Variants in PCDHGB5 observed in about 807,000 individuals in gnomAD.
The protein encoded by PCDHGB5 is protocadherin gamma subfamily B, 5.
In PCDHGB5, 48 loss-of-function variants were observed where a neutral mutation model predicts 62.9. The ratio of observed to expected loss-of-function variants is 0.76; its 90% CI spans 0.61 to 0.97. The LOEUF (loss-of-function observed/expected upper bound fraction) is 0.97, where lower values mean the gene tolerates loss of function less well. Among genes scored for constraint, PCDHGB5 ranks in the 50% least tolerant of loss-of-function variants. The probability of loss-of-function intolerance (pLI) is 0.00; values close to 1 mark genes in which losing one functional copy is unlikely to be tolerated. For missense variants in PCDHGB5, 1,118 were observed against 1,198.6 expected, an observed-to-expected ratio of 0.93 and a Z score of 0.99; for synonymous variants, 474 against 511.2, an observed-to-expected ratio of 0.93 and a Z score of 0.98.
At chr5:141,481,656 A>G (rs1425280340) in intron 1 of PCDHGB5, among the ~76,000 whole-genome samples, 1 of 152,084 alleles carries the variant, frequency 6.6e-6, no homozygotes, top group Non-Finnish European at 1.5e-5. Context: ...CATCTCTACT[A>G]ATAATACAAA....
intron 1 of PCDHGB5, among the ~76,000 whole-genome samples, chr5:141,466,183 T>G (rs145148468): frequency 2.0e-5 from 3 of 152,138 alleles, no homozygotes; most frequent in Middle Eastern, 3.4e-3. Flanking sequence ...TATTTTTATT[T>G]TTTTTCAGAC....
At chr5:141,466,763 C>T (rs960940073) in intron 1 of PCDHGB5, among the ~76,000 whole-genome samples, 31 of 152,272 alleles carry the variant, frequency 2.0e-4, no homozygotes, top group Middle Eastern at 6.8e-3. Context: ...TCTTTTCAAA[C>T]TGTTATCTTA....
At chr5:141,410,337 C>T (rs1196366344) in intron 1 of PCDHGB5, 1 of 1,613,930 alleles carries the variant, frequency 6.2e-7, no homozygotes, top group Non-Finnish European at 8.5e-7. Context: ...CTGGCCATTG[C>T]CTTGCGCCTG....
chr5:141,433,209 T>A, intron 1 of PCDHGB5: 3 of 465,024 alleles, frequency 6.5e-6, no homozygotes, highest in South Asian at 1.0e-4. Context: ...ATCTTCTTTC[T>A]TTTTTTTTTT....
intron 1 of PCDHGB5, among the ~76,000 whole-genome samples, chr5:141,480,700 C>A (rs1327284592): frequency 1.3e-5 from 2 of 152,192 alleles, no homozygotes; most frequent in Admixed American, 6.5e-5. Flanking sequence ...CCAGGCCACA[C>A]CCCGACAAAT....
intron 1 of PCDHGB5, chr5:141,478,104 CTG>C: frequency 6.2e-7 from 1 of 1,614,118 alleles, no homozygotes; most frequent in Middle Eastern, 1.6e-4. Context: ...GCTACCCTCA[CTG>C]TGTCAGTAAC....
chr5:141,479,574 T>A (rs1291334449), intron 1 of PCDHGB5: 1 of 152,228 alleles, frequency 6.6e-6, no homozygotes, highest in South Asian at 2.1e-4. Context: ...GGATGACATC[T>A]GTGAATAGCC....
intron 1 of PCDHGB5, among the ~76,000 whole-genome samples, chr5:141,436,594 G>T (rs79477223): frequency 0.052 from 7,980 of 152,210 alleles, 223 homozygotes; most frequent in South Asian, 0.079. Flanking sequence ...AAAGGTCGTG[G>T]TGATGGCTAG....
chr5:141,486,879 G>A lies in PCDHGB5; in HGVS notation c.2398-7928G>A, dbSNP rs1371072899. 7 of 1,614,228 alleles carry A rather than the reference G, an allele frequency of 4.3e-6. No homozygotes were observed. Among genetic ancestry groups the A allele is most frequent in the Non-Finnish European group, 4.2e-6 (5 of 1,180,046 alleles). On this transcript the variant is annotated intron_variant, in intron 1 of 3. Coordinates refer to ENST00000617380, the MANE Select transcript of PCDHGB5 (RefSeq NM_018925.3). The surrounding 1 kb of genome is among the most constrained non-coding windows in gnomAD (Gnocchi z 5.0). Reference sequence around the variant, plus strand: ...AATGCTCCAGCTGTGCTCCGTCCTCGGGCCCGGCCTGGTTCCTTATGTCCC... The same window carrying A: ...AATGCTCCAGCTGTGCTCCGTCCTCAGGCCCGGCCTGGTTCCTTATGTCCC...
intron 3 of PCDHGB5, among the ~76,000 whole-genome samples, chr5:141,510,440 C>T (rs1251795430): frequency 6.6e-6 from 1 of 152,066 alleles, no homozygotes; most frequent in Non-Finnish European, 1.5e-5. Context: ...TGCTGCCCTC[C>T]AGGAGCCCAT....
At chr5:141,495,269 CGGAGGAGGCG>C (rs2099759953) in intron 2 of PCDHGB5, among the ~76,000 whole-genome samples, 1 of 152,180 alleles carries the variant, frequency 6.6e-6, no homozygotes, top group Non-Finnish European at 1.5e-5. Context: ...AGCATTTGAC[CGGAGGAGGCG>C]GTCCGCACTC....
intron 1 of PCDHGB5, among the ~76,000 whole-genome samples, chr5:141,488,398 A>T (rs2099675065): frequency 6.6e-6 from 1 of 152,192 alleles, no homozygotes; most frequent in African/African-American, 2.4e-5. Flanking sequence ...GAAACCATGA[A>T]ACCTAGAAGC....
chr5:141,465,532 C>T (rs1175698109), intron 1 of PCDHGB5, among the ~76,000 whole-genome samples: 1 of 152,138 alleles, frequency 6.6e-6, no homozygotes, highest in Non-Finnish European at 1.5e-5. Flanking sequence ...GGAAGTTTTC[C>T]CAGGCATTTT....
At chr5:141,495,292 C>T (rs74321313) in intron 2 of PCDHGB5, among the ~76,000 whole-genome samples, 8,567 of 152,256 alleles carry the variant, frequency 0.056, 526 homozygotes, top group African/African-American at 0.16. Context: ...CCGCACTCAG[C>T]GCCTCCTCCA....
Position 141,446,243 on chromosome 5 carries a change from C to T in PCDHGB5, c.2397+45719C>T, listed in dbSNP as rs552551215. Among the ~76,000 whole-genome samples, 23 of 152,096 alleles carry T rather than the reference C, an allele frequency of 1.5e-4. 1 individual carries two copies. The South Asian group carries it at 4.6e-3, about 30-fold the overall frequency. On this transcript the variant is annotated intron_variant, in intron 1 of 3. Coordinates refer to ENST00000617380, the MANE Select transcript of PCDHGB5 (RefSeq NM_018925.3). ...TTGTGTTGCCTGGCAAGTGGTAGAT[C>T]TTCAGTGAAATATTATTAACTGAAT...
At chr5:141,427,397 T>C (rs944166415) in intron 1 of PCDHGB5, 2 of 460,626 alleles carry the variant, frequency 4.3e-6, no homozygotes, top group South Asian at 1.5e-5. Flanking sequence ...AAACACATGA[T>C]AAAGATTCGA....
intron 1 of PCDHGB5, among the ~76,000 whole-genome samples, chr5:141,460,983 GTATATATATATA>G (rs59296681): frequency 7.3e-6 from 1 of 137,780 alleles, no homozygotes. Flanking sequence ...GTGTGTGTGT[GTATATATATATA>G]TGTGTATATA....
chr5:141,418,902 T>A, intron 1 of PCDHGB5: 3 of 1,613,930 alleles, frequency 1.9e-6, no homozygotes, highest in Non-Finnish European at 2.5e-6. Context: ...CCAGAAATAA[T>A]CATCACGTCA....
chr5:141,413,441 T>C (rs760538286), intron 1 of PCDHGB5: 1 of 1,614,056 alleles, frequency 6.2e-7, no homozygotes, highest in Non-Finnish European at 8.5e-7. Flanking sequence ...GGCAGCTTGA[T>C]CACCGCGGGC....
Sources: allele counts gnomAD v4.1 joint callset (sites outside exome capture counted in the v4.1 genomes callset), GRCh38; gene constraint gnomAD v4.1.1; non-coding constraint Gnocchi (gnomAD v3.1); transcripts MANE v1.5; gene names NCBI Gene and HGNC (gene_info 2026-07-23, HGNC 2026-07-21).